The following ZP4 variants were observed in gnomAD, a reference collection of about 807,000 sequenced individuals.
The protein encoded by ZP4 is zona pellucida sperm-binding protein 4.
Under a neutral mutation model 62.3 loss-of-function variants are expected in ZP4, and 62 were observed. The observed-to-expected ratio is 0.99, with a 90% CI of 0.81 to 1.23. ZP4 has a LOEUF of 1.23. ZP4 is among the 50% of genes most tolerant of loss of function. The pLI, the probability that ZP4 is intolerant of heterozygous loss-of-function variation, is 0.00. For synonymous variants in ZP4, 289 were observed against 247.3 expected, an observed-to-expected ratio of 1.17 and a Z score of -1.58; for missense variants, 774 against 656.0, an observed-to-expected ratio of 1.18 and a Z score of -1.97.
Position 237,889,863 on chromosome 1 carries a change from T to G in ZP4, c.400+4A>C. 1.2e-6 allele frequency: 2 copies of G among 1,603,730 alleles called. No individual in the cohort carries two copies. The highest frequency in any genetic ancestry group is 2.2e-5 in the South Asian group (2 of 90,856). On this transcript the variant is annotated splice_donor_region_variant and intron_variant, in intron 3 of 11. Transcript: ENST00000366570. ...ACAAGACCCTGAGAGCTTCCAGCCT[T>G]TACCTAGAAGATCCATAGGACACTT...
chr1:237,884,112 A>C (rs73112204), intron 10 of ZP4, among the ~76,000 whole-genome samples: 1 of 151,830 alleles, frequency 6.6e-6, no homozygotes, highest in East Asian at 1.9e-4. Flanking sequence ...GAACTGTTTT[A>C]ATTCTACTTC....
Position 237,888,347 on chromosome 1 carries a change from C to A in ZP4, c.553+11G>T. The A allele has an allele frequency of 6.4e-7, 1 of 1,564,070 alleles. No individual in the cohort carries two copies. The highest frequency in any genetic ancestry group is 1.2e-5 in the South Asian group (1 of 85,224). On this transcript the variant is annotated intron_variant, in intron 4 of 11. Transcript: ENST00000366570. ...CCTCAGCTGGTTTCAGAGGTGTGCT[C>A]ACTTACTCACCAGTGTTTCCATAGT...
At position 237,884,783 on chromosome 1, in the gene ZP4, C is replaced by T. The variant is rs765117673; in HGVS notation, c.1376G>A (p.Cys459Tyr). ...PAETPSCVVT[C>Y]PDLSRRRNFD... ...TGGTTACTCACGACTGAGATCAGGACAGGTCACCACACAGGATGGTGTCTC... is the reference window on the plus strand; with the variant it reads ...TGGTTACTCACGACTGAGATCAGGATAGGTCACCACACAGGATGGTGTCTC... The change falls in exon 10 of 12, where the codon TGT (cysteine) becomes TAT (tyrosine). Residue 459 changes from cysteine (C) to tyrosine (Y), a missense_variant. Physicochemically the swap from Cys to Tyr is radical, Grantham distance 194 (BLOSUM62 -2). Transcript: ENST00000366570. 4 of 1,613,656 alleles carry T rather than the reference C, an allele frequency of 2.5e-6. No homozygotes were observed. The highest frequency in any genetic ancestry group is 3.4e-6 in the Non-Finnish European group (4 of 1,179,852).
At chr1:237,884,037 CACACAAACACACACAAACACACACAA>C (rs1558531224) in intron 10 of ZP4, among the ~76,000 whole-genome samples, 5 of 119,110 alleles carry the variant, frequency 4.2e-5, no homozygotes, top group Middle Eastern at 3.6e-3. Flanking sequence ...CACACAAACA[CACACAAACACACACAAACACACACAA>C]ACACACACAA....
At position 237,882,822 on chromosome 1, in the gene ZP4, G is replaced by A. The variant is rs372038550; in HGVS notation, c.1415C>T (p.Ser472Phe). The A allele has an allele frequency of 3.0e-5, 49 of 1,613,768 alleles. No individual in the cohort carries two copies. Among genetic ancestry groups the A allele is most frequent in the Middle Eastern group, 1.6e-4 (1 of 6,078 alleles). ...AGAAACACTAGCAGTAGTGTTCTGAGAACTGTTGTCAAAATTTCTTCTTCC... is the reference window on the plus strand; with the variant it reads ...AGAAACACTAGCAGTAGTGTTCTGAAAACTGTTGTCAAAATTTCTTCTTCC... ...LSRRRNFDNS[S>F]QNTTASVSSK... is the part of the protein sequence containing the mutation. The change falls in exon 11 of 12, where the codon TCT becomes TTT. Residue 472 changes from serine to phenylalanine, a missense_variant. Ser to Phe is a radical substitution (Grantham distance 155). Coordinates refer to ENST00000366570, the MANE Select transcript of ZP4 (RefSeq NM_021186.5).
rs1195437784 is a variant in ZP4 at position 237,887,389 on chromosome 1, A to G, written c.726T>C (p.Cys242=). The part of the protein sequence containing the change: ...FVLFQFPFTS[C]GTTRQITGDR... ...AACTGCTCACCTGTCTTGTGGTGCC[A>G]CAGGAAGTAAATGGAAACTGGAACA... Residue 242 remains cysteine, a synonymous_variant, in exon 5 of 12, where the codon TGT becomes TGC. Coordinates refer to ENST00000366570, the MANE Select transcript of ZP4 (RefSeq NM_021186.5). 3 of 1,613,980 alleles carry G rather than the reference A, an allele frequency of 1.9e-6. No individual in the cohort carries two copies. The highest frequency in any genetic ancestry group is 2.2e-5 in the South Asian group (2 of 91,064).
At chr1:237,883,902 A>G (rs74930046) in intron 10 of ZP4, among the ~76,000 whole-genome samples, 1,910 of 151,248 alleles carry the variant, frequency 0.013, 44 homozygotes, top group African/African-American at 0.044. Context: ...CGAGGCTACC[A>G]TGAACTGTAA....
chr1:237,887,276 A>G (rs1665125382), intron 5 of ZP4, 98 bp downstream of exon 5: 13 of 1,389,644 alleles, frequency 9.4e-6, no homozygotes, highest in Non-Finnish European at 1.2e-5. Flanking sequence ...AGTAGTCACA[A>G]GTATCGTTCA....
At chr1:237,886,726 G>A in intron 6 of ZP4, 45 bp downstream of exon 6, 2 of 1,518,650 alleles carry the variant, frequency 1.3e-6, no homozygotes, top group Admixed American at 1.7e-5. Context: ...ACCTGAGAAT[G>A]CCCACCTTAT....
At position 237,890,522 on chromosome 1, in the gene ZP4, G is replaced by A; in HGVS notation, c.114C>T (p.Ser38=). The part of the protein sequence containing the change: ...YSSVLHCGPW[S]FQFAVNLNQE... ...GGTTGAGGTTTACAGCAAACTGGAA[G>A]CTCCACGGCCCACAGTGGAGCACAC... is the stretch of plus-strand genomic sequence containing the variant. Residue 38 remains serine, a synonymous_variant, in exon 1 of 12, where the codon AGC becomes AGT. Transcript: ENST00000366570. The A allele has an allele frequency of 6.2e-7, 1 of 1,614,118 alleles. No homozygotes were observed. Among genetic ancestry groups the A allele is most frequent in the Non-Finnish European group, 8.5e-7 (1 of 1,180,028 alleles).
Position 237,885,750 on chromosome 1 carries a change from T to A in ZP4, c.970+6A>T. 2 of 1,613,662 alleles carry A rather than the reference T, an allele frequency of 1.2e-6. No homozygotes were observed. The highest frequency in any genetic ancestry group is 1.7e-6 in the Non-Finnish European group (2 of 1,179,916). ...AGGCCAGATACTCCAGCCAAGGGGG[T>A]CATACCTTTGGCAATCTGAAGTTCC... On this transcript the variant is annotated splice_donor_region_variant and intron_variant, in intron 7 of 11. Transcript: ENST00000366570.
Position 237,882,729 on chromosome 1 carries a change from C to T in ZP4, c.1495+13G>A. 1.2e-6 allele frequency: 2 copies of T among 1,613,154 alleles called. No individual in the cohort carries two copies. The highest frequency in any genetic ancestry group is 4.5e-5 in the East Asian group (2 of 44,878). ...AGTTCACTAGTTTGATCTCCTCCCT[C>T]TTGGATACTTACGGAGCTTTTCTGG... On this transcript the variant is annotated intron_variant, in intron 11 of 11. Transcript: ENST00000366570.
At chr1:237,883,993 C>CACACACACACACACACAA (rs1665017083) in intron 10 of ZP4, among the ~76,000 whole-genome samples, 1 of 82,316 alleles carries the variant, frequency 1.2e-5, no homozygotes, top group Non-Finnish European at 2.4e-5. Context: ...AACACACACA[C>CACACACACACACACACAA]ACACACACAC....
intron 7 of ZP4, 76 bp from the exon 8 acceptor site, chr1:237,885,656 C>T (rs1571932724): frequency 1.3e-6 from 2 of 1,593,530 alleles, no homozygotes; most frequent in Non-Finnish European, 1.7e-6. Context: ...TTTAAATAGC[C>T]CCAAGCCCCT....
At chr1:237,888,540 A>G (rs1469320379) in intron 3 of ZP4, 30 bp from the exon 4 acceptor site, 1 of 1,564,682 alleles carries the variant, frequency 6.4e-7, no homozygotes, top group Admixed American at 1.8e-5. Context: ...AAGTCAGGTT[A>G]GATAATGGAA....
intron 3 of ZP4, among the ~76,000 whole-genome samples, chr1:237,889,403 C>T (rs1274510070): frequency 2.0e-5 from 3 of 151,458 alleles, no homozygotes; most frequent in African/African-American, 4.9e-5. Context: ...ACCACAACCT[C>T]AGCCTCCCAG....
intron 10 of ZP4, 45 bp downstream of exon 10, chr1:237,884,724 C>T: frequency 6.4e-7 from 1 of 1,568,654 alleles, no homozygotes; most frequent in Non-Finnish European, 8.7e-7. Flanking sequence ...AGACATGGGA[C>T]TCAAGATTCA....
At chr1:237,887,599 T>C (rs1486082385) in intron 4 of ZP4, 38 bp from the exon 5 acceptor site, 1 of 1,590,160 alleles carries the variant, frequency 6.3e-7, no homozygotes, top group South Asian at 1.1e-5. Flanking sequence ...AGGTCATCTC[T>C]CCCATTGTGG....
chr1:237,884,007 C>CACAA lies in ZP4; in HGVS notation c.1390+761_1390+762insTTGT, dbSNP rs1553350842. ...AAACACACACACACACACACACACA[C>CACAA]ACACACACAAACACACACACACACA... On this transcript the variant is annotated intron_variant, in intron 10 of 11. Coordinates refer to ENST00000366570, the MANE Select transcript of ZP4 (RefSeq NM_021186.5). Among the ~76,000 whole-genome samples, 86 of 92,620 alleles carry CACAA rather than the reference C, an allele frequency of 9.3e-4. 1 individual carries two copies. Among genetic ancestry groups the CACAA allele is most frequent in the Non-Finnish European group, 1.3e-3 (60 of 44,494 alleles). 60.8% of individuals were successfully genotyped at this position (92,620 alleles called of 152,430 possible). A position where few individuals can be genotyped will look rare whatever the true frequency, so the allele number is the denominator to read the frequency against.
Sources: gnomAD v4.1 joint callset for allele counts (sites outside exome capture counted in the v4.1 genomes callset) on GRCh38, gnomAD v4.1.1 for gene constraint, MANE v1.5 for transcripts, NCBI Gene and HGNC (gene_info 2026-07-23, HGNC 2026-07-21) for gene names.